The following TRRAP variants were observed in gnomAD, a reference collection of about 807,000 sequenced individuals.
TRRAP encodes the protein transformation/transcription domain-associated protein.
TRRAP carries 41 observed loss-of-function variants against 438.8 expected under a neutral mutation model. The ratio of observed to expected loss-of-function variants is 0.09; its 90% confidence interval spans 0.07 to 0.12. The LOEUF (loss-of-function observed/expected upper bound fraction) is 0.12, where lower values mean the gene tolerates loss of function less well. Among genes scored for constraint, TRRAP ranks in the 10% least tolerant of loss-of-function variants. The pLI is 1.00. For missense variants in TRRAP, 3,122 were observed against 5,055.1 expected, an observed-to-expected ratio of 0.62 and a Z score of 11.60; for synonymous variants, 1,994 against 1,962.9, an observed-to-expected ratio of 1.02 and a Z score of -0.42.
At chr7:98,957,319 CA>C (rs1241243349) in intron 43 of TRRAP, among the ~76,000 whole-genome samples, 1 of 152,208 alleles carries the variant, frequency 6.6e-6, no homozygotes, top group Non-Finnish European at 1.5e-5. Context: ...CTTTATTTTT[CA>C]CAAAGCAGTC....
chr7:98,968,780 G>T (rs913504212), intron 51 of TRRAP, among the ~76,000 whole-genome samples: 2 of 152,204 alleles, frequency 1.3e-5, no homozygotes, highest in Admixed American at 1.3e-4. Flanking sequence ...TGTTCGTGCC[G>T]GATGGGCGTT....
At chr7:98,957,881 C>G in intron 43 of TRRAP, 100 bp from the exon 44 acceptor site, 1 of 981,118 alleles carries the variant, frequency 1.0e-6, no homozygotes, top group Non-Finnish European at 1.6e-6. Context: ...CCTCTGTCCC[C>G]GGGAGGTACC....
At position 99,007,142 on chromosome 7, in the gene TRRAP, G is replaced by A. The variant is rs115401994; in HGVS notation, c.10754-1235G>A. On this transcript the variant is annotated intron_variant, in intron 69 of 72. Coordinates refer to ENST00000456197, the MANE Select transcript of TRRAP (RefSeq NM_001375524.1). ...GGGCTAGACGATCAGGTTGATGCTG[G>A]TTGCTTTCCTTATGTGGACAGAACA... Among the ~76,000 whole-genome samples, 702 of 152,370 alleles carry A rather than the reference G, an allele frequency of 4.6e-3. 5 individuals carry two copies. The highest frequency in any genetic ancestry group is 0.016 in the African/African-American group (666 of 41,574).
chr7:99,012,071 G>T lies in TRRAP; in HGVS notation c.11338G>T (p.Val3780Leu). ...ARCFAQPNFKVDGILKTVLRD... is the reference protein window; with the variant it reads ...ARCFAQPNFKLDGILKTVLRD... Reference sequence around the variant, plus strand: ...TCGTCTCGTTCTCTCCCTCACGCAGGTGGATGGCATTCTGAAAACGGTTCT... The same window carrying T: ...TCGTCTCGTTCTCTCCCTCACGCAGTTGGATGGCATTCTGAAAACGGTTCT... The change falls in exon 73 of 73, where the codon GTG becomes TTG. Residue 3780 changes from valine (V) to leucine (L), a missense_variant and splice_region_variant. This residue lies in a region of TRRAP where 192 missense variants were observed against 355.6 expected (regional missense o/e 0.54). Transcript: ENST00000456197. The surrounding 1 kb of genome is among the most constrained non-coding windows in gnomAD (Gnocchi z 5.9). 1 of 1,613,046 alleles carries T rather than the reference G, an allele frequency of 6.2e-7. No homozygotes were observed. Among genetic ancestry groups the T allele is most frequent in the Non-Finnish European group, 8.5e-7 (1 of 1,179,040 alleles).
intron 28 of TRRAP, among the ~76,000 whole-genome samples, chr7:98,936,841 G>T (rs1474285665): frequency 1.3e-5 from 2 of 152,202 alleles, no homozygotes; most frequent in African/African-American, 4.8e-5. Flanking sequence ...ACATGTGGAT[G>T]GAAGACCATG....
chr7:98,915,664 G>A (rs1288966618), intron 18 of TRRAP, 59 bp from the exon 19 acceptor site: 8 of 1,556,068 alleles, frequency 5.1e-6, no homozygotes, highest in Admixed American at 1.8e-5. Context: ...TTTAGAGTCT[G>A]GAGGGTATAG....
chr7:98,895,827 T>C lies in TRRAP; in HGVS notation c.507+7T>C, dbSNP rs1370680326. 5.6e-5 allele frequency: 90 copies of C among 1,598,978 alleles called. No individual in the cohort carries two copies. The highest frequency in any genetic ancestry group is 7.7e-5 in the Non-Finnish European group (90 of 1,173,058). ...GGAGCTTCCAAAAGTAGTGGTATGT[T>C]TTTACTTTGGTTTTAATTAGTTACA... On this transcript the variant is annotated splice_region_variant and intron_variant, in intron 7 of 72. Coordinates refer to ENST00000456197, the MANE Select transcript of TRRAP (RefSeq NM_001375524.1).
At chr7:98,965,666 C>G (rs767195004) in intron 48 of TRRAP, 30 bp from the exon 49 acceptor site, 1 of 1,613,160 alleles carries the variant, frequency 6.2e-7, no homozygotes, top group Non-Finnish European at 8.5e-7. Context: ...TTTAGAGACC[C>G]GTGGGTTTGT....
rs531922695 is a variant in TRRAP at position 98,913,580 on chromosome 7, A to T, written c.2199+1367A>T. ...TGGGATTACAGGTGTGAGCCACTGC[A>T]CCTGGCCTTCACTCAGGTTTTGTGT... is the stretch of plus-strand genomic sequence containing the variant. On this transcript the variant is annotated intron_variant, in intron 18 of 72. Transcript: ENST00000456197. 1.4e-4 allele frequency among the ~76,000 whole-genome samples: 21 copies of T among 151,774 alleles called. 1 individual carries two copies. In the South Asian group the frequency reaches 4.0e-3, roughly 29 times the overall value.
At chr7:98,998,148 G>A (rs2116830940) in intron 67 of TRRAP, among the ~76,000 whole-genome samples, 1 of 152,266 alleles carries the variant, frequency 6.6e-6, no homozygotes, top group African/African-American at 2.4e-5. Context: ...TACTGAGGGA[G>A]CTCCAACACA....
chr7:98,888,428 T>C (rs1270051306), intron 3 of TRRAP, among the ~76,000 whole-genome samples: 1 of 151,108 alleles, frequency 6.6e-6, no homozygotes, highest in African/African-American at 2.4e-5. Flanking sequence ...TCCCAGCTAC[T>C]CGAGAGGCTG....
chr7:98,901,774 C>G (rs547798951), intron 11 of TRRAP, among the ~76,000 whole-genome samples: 3 of 152,282 alleles, frequency 2.0e-5, no homozygotes, highest in African/African-American at 7.2e-5. Flanking sequence ...GTCTTGAACC[C>G]CTGGCCTCAA....
At chr7:99,001,545 T>A (rs1005200316) in intron 67 of TRRAP, among the ~76,000 whole-genome samples, 1 of 150,238 alleles carries the variant, frequency 6.7e-6, no homozygotes. Flanking sequence ...TAAAAAAAAA[T>A]AAAAAATCAC....
At chr7:98,911,899 A>T in intron 17 of TRRAP, 123 bp from the exon 18 acceptor site, 1 of 833,186 alleles carries the variant, frequency 1.2e-6, no homozygotes, top group Non-Finnish European at 1.9e-6. Context: ...TTTGGTGGAT[A>T]ATTAAATTTC....
chr7:98,992,324 C>G (rs959839582), intron 65 of TRRAP, 97 bp downstream of exon 65: 12 of 1,282,708 alleles, frequency 9.4e-6, no homozygotes, highest in Non-Finnish European at 1.3e-5. Context: ...CCCTGCCCTG[C>G]AGCTCACTCA....
At chr7:98,936,076 C>T (rs1554414177) in intron 28 of TRRAP, among the ~76,000 whole-genome samples, 1 of 152,186 alleles carries the variant, frequency 6.6e-6, no homozygotes, top group African/African-American at 2.4e-5. Flanking sequence ...TGGGAAACCT[C>T]AGTTATCATT....
At position 98,967,621 on chromosome 7, in the gene TRRAP, G is replaced by A; in HGVS notation, c.7435G>A (p.Glu2479Lys). The change falls in exon 51 of 73, where the codon GAG becomes AAG. Residue 2479 changes from glutamate (E) to lysine (K), a missense_variant. By Grantham distance (56) the Glu-to-Lys change is moderately conservative. Transcript: ENST00000456197. Reference sequence around the variant, plus strand: ...CAACTCCATGAAACGTCGTGTCTACGAGCGCTTGCTCTATGTGACCTGTTC... The same window carrying A: ...CAACTCCATGAAACGTCGTGTCTACAAGCGCTTGCTCTATGTGACCTGTTC... ...FDNSMKRRVY[E>K]RLLYVTCSQN... is the part of the protein sequence containing the mutation. 6.2e-7 allele frequency: 1 copy of A among 1,614,018 alleles called. No individual in the cohort carries two copies. Among genetic ancestry groups the A allele is most frequent in the Non-Finnish European group, 8.5e-7 (1 of 1,180,022 alleles).
At chr7:98,932,162 G>A (rs1790352197) in intron 26 of TRRAP, among the ~76,000 whole-genome samples, 2 of 151,898 alleles carry the variant, frequency 1.3e-5, no homozygotes, top group Non-Finnish European at 2.9e-5. Context: ...TGCTCAGGCT[G>A]GAGTGCAGTG....
rs1562976461 is a variant in TRRAP, at chr7:98,994,990, C to T, written c.10309+142C>T. 5 of 1,239,922 alleles carry T rather than the reference C, an allele frequency of 4.0e-6. No individual in the cohort carries two copies. The highest frequency in any genetic ancestry group is 3.3e-6 in the Non-Finnish European group (3 of 905,398). The allele number at this position is 1,239,922 out of a possible 1,614,324, so 76.8% of individuals were successfully genotyped here. A position where few individuals can be genotyped will look rare whatever the true frequency, so the allele number is the denominator to read the frequency against. ...GGTTACACTCTGTTTACAGTGCAGA[C>T]TTCAGAGTGCATAGCTGAGACCACA... On this transcript the variant is annotated intron_variant, in intron 67 of 72. Coordinates refer to ENST00000456197, the MANE Select transcript of TRRAP (RefSeq NM_001375524.1). This position sits in a 1 kb window ranked among gnomAD's most constrained non-coding sequence, Gnocchi z 4.8.
Sources: gnomAD v4.1 joint callset for allele counts (sites outside exome capture counted in the v4.1 genomes callset) on GRCh38, gnomAD v4.1.1 for gene constraint, gnomAD v4.1.1 regional missense constraint, Gnocchi (gnomAD v3.1) non-coding constraint, MANE v1.5 for transcripts, NCBI Gene and HGNC (gene_info 2026-07-23, HGNC 2026-07-21) for gene names.